The following PLXDC2 variants were observed in gnomAD, a reference collection of about 807,000 sequenced individuals.
PLXDC2 encodes the protein plexin domain containing 2, also known as plexin domain-containing protein 2.
A neutral mutation model predicts 68.9 loss-of-function variants in PLXDC2; 40 were observed. The observed-to-expected ratio is 0.58, with a 90% confidence interval of 0.45 to 0.76. PLXDC2 has a LOEUF of 0.76. Among genes scored for constraint, PLXDC2 ranks in the 30% least tolerant of loss-of-function variants. The probability of loss-of-function intolerance (pLI) is 0.00; values close to 1 mark genes in which losing one functional copy is unlikely to be tolerated. For synonymous variants in PLXDC2, 243 were observed against 234.2 expected (o/e 1.04, Z -0.34); for missense variants, 644 against 661.9 (o/e 0.97, Z 0.30).
At chr10:20,139,935 A>G (rs1833979679) in intron 4 of PLXDC2, among the ~76,000 whole-genome samples, 1 of 151,938 alleles carries the variant, frequency 6.6e-6, no homozygotes, top group Admixed American at 6.6e-5. Context: ...GCAAACCACC[A>G]TGGCACGTGT....
intron 2 of PLXDC2, among the ~76,000 whole-genome samples, chr10:20,044,315 T>C (rs1328391821): frequency 6.8e-6 from 1 of 147,980 alleles, no homozygotes; most frequent in Non-Finnish European, 1.5e-5. Flanking sequence ...TCTCTCTTTC[T>C]TTCTTTCCTT....
chr10:19,963,534 G>A (rs1351063056), intron 1 of PLXDC2, among the ~76,000 whole-genome samples: 1 of 152,170 alleles, frequency 6.6e-6, no homozygotes, highest in East Asian at 1.9e-4. Context: ...CATGTCCTTT[G>A]TAGGGGCATG....
intron 12 of PLXDC2, among the ~76,000 whole-genome samples, chr10:20,234,928 C>T (rs931141817): frequency 2.6e-5 from 4 of 152,206 alleles, no homozygotes; most frequent in East Asian, 1.9e-4. Context: ...TTTTTATTAA[C>T]GTTATGCATA....
In PLXDC2 at chr10:20,062,443, A is replaced by T. The variant is rs995617311; in HGVS notation, c.472-5727A>T. On this transcript the variant is annotated intron_variant, in intron 3 of 13. Coordinates refer to ENST00000377252, the MANE Select transcript of PLXDC2 (RefSeq NM_032812.9). ...ATCTCAATAAATAAATAAATAATAA[A>T]AAATAAATTTAAAAAATTAAAAAGG... Among the ~76,000 whole-genome samples the T allele has an allele frequency of 1.2e-4, 19 of 152,212 alleles. No individual in the cohort carries two copies. In the East Asian group the frequency reaches 3.1e-3, roughly 25 times the overall value.
At chr10:19,905,545 G>T (rs1833143613) in intron 1 of PLXDC2, among the ~76,000 whole-genome samples, 2 of 152,202 alleles carry the variant, frequency 1.3e-5, no homozygotes, top group East Asian at 1.9e-4. Context: ...TCAATGGAGT[G>T]TGGGGAAAGG....
At chr10:20,247,409 C>T (rs1403914597) in intron 13 of PLXDC2, among the ~76,000 whole-genome samples, 3 of 151,738 alleles carry the variant, frequency 2.0e-5, no homozygotes, top group Non-Finnish European at 4.4e-5. Flanking sequence ...CCCAGGAAAT[C>T]AAAGCTGCAG....
intron 13 of PLXDC2, among the ~76,000 whole-genome samples, chr10:20,272,737 A>G (rs1442932935): frequency 6.6e-6 from 1 of 152,246 alleles, no homozygotes; most frequent in African/African-American, 2.4e-5. Flanking sequence ...TCTGTTAGTG[A>G]TAAAATATTC....
intron 13 of PLXDC2, among the ~76,000 whole-genome samples, chr10:20,258,568 C>T (rs1835771936): frequency 6.6e-6 from 1 of 152,050 alleles, no homozygotes; most frequent in Admixed American, 6.5e-5. Flanking sequence ...AAAACTATTG[C>T]TGATGGACAA....
intron 9 of PLXDC2, among the ~76,000 whole-genome samples, chr10:20,188,874 G>T (rs928645157): frequency 6.6e-6 from 1 of 151,618 alleles, no homozygotes; most frequent in Admixed American, 6.6e-5. Flanking sequence ...TATCCAAGTG[G>T]TAATCAGTGT....
At chr10:20,026,612 G>A (rs988070946) in intron 2 of PLXDC2, among the ~76,000 whole-genome samples, 3 of 151,932 alleles carry the variant, frequency 2.0e-5, no homozygotes, top group South Asian at 2.1e-4. Context: ...ATCTGAATCC[G>A]GGCTGCAGTG....
At chr10:20,048,751 C>T (rs747279948) in intron 3 of PLXDC2, among the ~76,000 whole-genome samples, 11 of 152,002 alleles carry the variant, frequency 7.2e-5, no homozygotes, top group East Asian at 1.9e-4. Flanking sequence ...TCCTCTGTGC[C>T]GCCCCCCAAG....
chr10:20,112,497 C>T (rs1833572466), intron 4 of PLXDC2, among the ~76,000 whole-genome samples: 1 of 152,196 alleles, frequency 6.6e-6, no homozygotes, highest in African/African-American at 2.4e-5. Flanking sequence ...GTCCTCCTCT[C>T]CATCATCCCC....
At chr10:20,010,885 G>A (rs1354388272) in intron 2 of PLXDC2, among the ~76,000 whole-genome samples, 1 of 152,048 alleles carries the variant, frequency 6.6e-6, no homozygotes, top group Non-Finnish European at 1.5e-5. Context: ...TCCTTACTCT[G>A]CATTAAATAG....
At chr10:20,161,441 G>GTC (rs201829856) in intron 6 of PLXDC2, among the ~76,000 whole-genome samples, 8 of 150,300 alleles carry the variant, frequency 5.3e-5, no homozygotes, top group Admixed American at 4.0e-4. Flanking sequence ...AGTTTTTCAA[G>GTC]TCTCTCTCTC....
intron 1 of PLXDC2, among the ~76,000 whole-genome samples, chr10:19,947,923 T>A (rs1225284814): frequency 6.6e-6 from 1 of 152,152 alleles, no homozygotes; most frequent in African/African-American, 2.4e-5. Flanking sequence ...CTTCTGAAAT[T>A]GAACTTAACT....
intron 12 of PLXDC2, among the ~76,000 whole-genome samples, chr10:20,228,610 G>A (rs1177289086): frequency 6.8e-6 from 1 of 147,090 alleles, no homozygotes; most frequent in Non-Finnish European, 1.5e-5. Context: ...AAGGAAGGAA[G>A]GAGGAAAGAA....
At chr10:19,933,592 C>T (rs1188183669) in intron 1 of PLXDC2, among the ~76,000 whole-genome samples, 1 of 152,044 alleles carries the variant, frequency 6.6e-6, no homozygotes, top group Non-Finnish European at 1.5e-5. Context: ...GAGATTGAGC[C>T]ACTGACCTCC....
intron 6 of PLXDC2, among the ~76,000 whole-genome samples, chr10:20,158,899 A>G (rs1475948806): frequency 1.3e-5 from 2 of 152,162 alleles, no homozygotes; most frequent in Non-Finnish European, 2.9e-5. Flanking sequence ...TAGACATTTA[A>G]TTCACTTGGC....
At chr10:19,826,933 T>A (rs1836583949) in intron 1 of PLXDC2, among the ~76,000 whole-genome samples, 1 of 152,214 alleles carries the variant, frequency 6.6e-6, no homozygotes, top group Admixed American at 6.5e-5. Flanking sequence ...ATCACATCAC[T>A]TGCTGTTTTG....
Sources: gnomAD v4.1 joint callset for allele counts (sites outside exome capture counted in the v4.1 genomes callset) on GRCh38, gnomAD v4.1.1 for gene constraint, MANE v1.5 for transcripts, NCBI Gene and HGNC (gene_info 2026-07-23, HGNC 2026-07-21) for gene names.